Variants in OR8H2 observed in about 807,000 individuals in gnomAD.
OR8H2 encodes olfactory receptor 8H2.
For missense variants in OR8H2, 374 were observed against 371.1 expected (o/e 1.01, Z -0.06); for synonymous variants, 157 against 139.2 (o/e 1.13, Z -0.90).
rs1364453583 is a variant in OR8H2 at position 56,105,807 on chromosome 11, G to A, written c.765G>A (p.Leu255=). The change falls in exon 2 of 2, where the codon CTG becomes CTA. Residue 255 remains leucine (L), a synonymous_variant. Transcript: ENST00000313503. ...LLGVTIFYST[L]IFTYLKPRKS... is the part of the protein sequence containing the mutation. The stretch of plus-strand genomic sequence containing the variant: ...GAGTCACCATCTTTTATAGCACTCT[G>A]ATTTTTACTTATTTAAAACCAAGAA... The A allele has an allele frequency of 1.2e-6, 2 of 1,613,616 alleles. No individual in the cohort carries two copies. Among genetic ancestry groups the A allele is most frequent in the African/African-American group, 2.7e-5 (2 of 74,842 alleles).
chr11:56,105,182 T>G lies in OR8H2; in HGVS notation c.140T>G (p.Ile47Arg). 1 of 1,614,218 alleles carries G rather than the reference T, an allele frequency of 6.2e-7. No individual in the cohort carries two copies. ...LITMLGNVGM[I>R]LIIRLDLQLH... Reference sequence around the variant, plus strand: ...ACTATGCTGGGGAATGTGGGGATGATATTGATAATCCGCCTGGACCTCCAG... The same window carrying G: ...ACTATGCTGGGGAATGTGGGGATGAGATTGATAATCCGCCTGGACCTCCAG... The change falls in exon 2 of 2, where the codon ATA (isoleucine) becomes AGA (arginine). Residue 47 changes from isoleucine to arginine, a missense_variant. Transcript: ENST00000313503.
At position 56,105,840 on chromosome 11, in the gene OR8H2, T is replaced by C; in HGVS notation, c.798T>C (p.Tyr266=). ...CTTATTTAAAACCAAGAAAGTCTTA[T>C]TCCTTGGGAAGAGATCAAGTGGCTT... is the stretch of plus-strand genomic sequence containing the variant. ...IFTYLKPRKS[Y]SLGRDQVASV... The change falls in exon 2 of 2, where the codon TAT becomes TAC. Residue 266 remains tyrosine (Y), a synonymous_variant. Coordinates refer to ENST00000313503, the MANE Select transcript of OR8H2 (RefSeq NM_001386064.1). The C allele has an allele frequency of 6.2e-7, 1 of 1,613,558 alleles. No homozygotes were observed. The highest frequency in any genetic ancestry group is 2.2e-5 in the East Asian group (1 of 44,864).
At position 56,105,780 on chromosome 11, in the gene OR8H2, G is replaced by A. The variant is rs1854046903; in HGVS notation, c.738G>A (p.Leu246=). The A allele has an allele frequency of 6.2e-7, 1 of 1,613,658 alleles. No individual in the cohort carries two copies. Among genetic ancestry groups the A allele is most frequent in the Admixed American group, 1.7e-5 (1 of 59,970 alleles). The change falls in exon 2 of 2, where the codon TTG becomes TTA. Residue 246 remains leucine (L), a synonymous_variant. Coordinates refer to ENST00000313503, the MANE Select transcript of OR8H2 (RefSeq NM_001386064.1). ...KAFSTCVSHL[L]GVTIFYSTLI... is the part of the protein sequence containing the mutation. The stretch of plus-strand genomic sequence containing the variant: ...TCTCTACTTGCGTCTCTCATCTCTT[G>A]GGAGTCACCATCTTTTATAGCACTC...
Position 56,105,747 on chromosome 11 carries a change from GA to G in OR8H2, c.708del (p.Ala237LeufsTer19). On this transcript the variant is annotated frameshift_variant, in exon 2 of 2. Coordinates refer to ENST00000313503, the MANE Select transcript of OR8H2 (RefSeq NM_001386064.1). LOFTEE classifies it low-confidence loss of function (END_TRUNC). ...LKINSTSGKQ[K>X]AFSTCVSHLL... ...AAATTAATTCCACTTCAGGAAAGCA[GA>G]AAGCTTTCTCTACTTGCGTCTCTCA... 6.2e-7 allele frequency: 1 copy of G among 1,613,340 alleles called. No individual in the cohort carries two copies. Among genetic ancestry groups the G allele is most frequent in the Non-Finnish European group, 8.5e-7 (1 of 1,179,278 alleles).
Position 56,105,407 on chromosome 11 carries a change from G to T in OR8H2, c.365G>T (p.Arg122Leu), listed in dbSNP as rs758860820. Residue 122 changes from arginine (R) to leucine (L), a missense_variant, in exon 2 of 2, where the codon CGC becomes CTC. Transcript: ENST00000313503. ...CYLLSSMAHD[R>L]YAAICSPLHY... ...CTTCTCTCCTCAATGGCCCATGATCGCTATGCAGCGATCTGCAGTCCTCTA... is the reference window on the plus strand; with the variant it reads ...CTTCTCTCCTCAATGGCCCATGATCTCTATGCAGCGATCTGCAGTCCTCTA... 2 of 1,613,938 alleles carry T rather than the reference G, an allele frequency of 1.2e-6. No homozygotes were observed. The highest frequency in any genetic ancestry group is 1.7e-5 in the Admixed American group (1 of 59,980).
intron 1 of OR8H2, 30 bp from the exon 2 acceptor site, chr11:56,104,842 T>TTTTG (rs1854026679): frequency 9.1e-6 from 4 of 438,196 alleles, no homozygotes; most frequent in Non-Finnish European, 1.6e-5. Flanking sequence ...AGAAAGTTTT[T>TTTTG]TTTTGTTTGT....
Position 56,104,967 on chromosome 11 carries a change from T to G in OR8H2, c.-76T>G. Reference sequence around the variant, plus strand: ...GTTCAAGCAATTCTCCTGCCTCAGCTTCTCCAGTAGCTGGGATTACAGGCG... The same window carrying G: ...GTTCAAGCAATTCTCCTGCCTCAGCGTCTCCAGTAGCTGGGATTACAGGCG... On this transcript the variant is annotated 5_prime_UTR_variant, in exon 2 of 2. Transcript: ENST00000313503. 7.7e-7 allele frequency: 1 copy of G among 1,295,724 alleles called. No homozygotes were observed. The highest frequency in any genetic ancestry group is 1.5e-5 in the African/African-American group (1 of 67,592). The allele number at this position is 1,295,724 out of a possible 1,614,324, so 80.3% of individuals were successfully genotyped here. A position where few individuals can be genotyped will look rare whatever the true frequency, so the allele number is the denominator to read the frequency against.
At position 56,107,291 on chromosome 11, in the gene OR8H2, C is replaced by A. The variant is rs1176401900; in HGVS notation, c.*1310C>A. On this transcript the variant is annotated 3_prime_UTR_variant, in exon 2 of 2. Transcript: ENST00000313503. ...TAAAATCCTGTGTGTTTTTAAAAAT[C>A]ATTGCCTTTCTCCTGATTTCTACAG... 1 of 151,952 alleles carries A rather than the reference C, an allele frequency of 6.6e-6. No homozygotes were observed. The highest frequency in any genetic ancestry group is 1.5e-5 in the Non-Finnish European group (1 of 67,810). The allele number at this position is 151,952 out of a possible 1,614,324, so 9.4% of individuals were successfully genotyped here.
Position 56,106,340 on chromosome 11 carries a change from A to G in OR8H2, c.*359A>G, listed in dbSNP as rs1168566104. 1 of 159,982 alleles carries G rather than the reference A, an allele frequency of 6.3e-6. No individual in the cohort carries two copies. The highest frequency in any genetic ancestry group is 2.4e-5 in the African/African-American group (1 of 41,664). 9.9% of individuals were successfully genotyped at this position (159,982 alleles called of 1,614,324 possible). A position where few individuals can be genotyped will look rare whatever the true frequency, so the allele number is the denominator to read the frequency against. On this transcript the variant is annotated 3_prime_UTR_variant, in exon 2 of 2. Coordinates refer to ENST00000313503, the MANE Select transcript of OR8H2 (RefSeq NM_001386064.1). Reference sequence around the variant, plus strand: ...TATGGAAAGAACTATTTGGGACACAATGATAATAGTTTTAGATGTTATTCC... The same window carrying G: ...TATGGAAAGAACTATTTGGGACACAGTGATAATAGTTTTAGATGTTATTCC...
Position 56,106,878 on chromosome 11 carries a change from G to C in OR8H2, c.*897G>C, listed in dbSNP as rs1426122888. On this transcript the variant is annotated 3_prime_UTR_variant, in exon 2 of 2. Transcript: ENST00000313503. ...TGAGTTTTGGCTGCTCTTGATGTGG[G>C]GGTAGCCATTATTCTTTTCTTTACT... 1 of 151,784 alleles carries C rather than the reference G, an allele frequency of 6.6e-6. No homozygotes were observed. The highest frequency in any genetic ancestry group is 6.6e-5 in the Admixed American group (1 of 15,238). The allele number at this position is 151,784 out of a possible 1,614,324, so 9.4% of individuals were successfully genotyped here. A position where few individuals can be genotyped will look rare whatever the true frequency, so the allele number is the denominator to read the frequency against.
rs75692462 is a variant in OR8H2, at chr11:56,107,304, C to T, written c.*1323C>T. The stretch of plus-strand genomic sequence containing the variant: ...GTTTTTAAAAATCATTGCCTTTCTC[C>T]TGATTTCTACAGGTTTGTTTCAGTT... On this transcript the variant is annotated 3_prime_UTR_variant, in exon 2 of 2. Transcript: ENST00000313503. 7 of 151,996 alleles carry T rather than the reference C, an allele frequency of 4.6e-5. No homozygotes were observed. Among genetic ancestry groups the T allele is most frequent in the African/African-American group, 1.7e-4 (7 of 41,540 alleles). The allele number at this position is 151,996 out of a possible 1,614,324, so 9.4% of individuals were successfully genotyped here.
chr11:56,104,547 CT>C (rs1450487856), intron 1 of OR8H2, among the ~76,000 whole-genome samples: 1 of 152,178 alleles, frequency 6.6e-6, no homozygotes, highest in Admixed American at 6.5e-5. Flanking sequence ...CTTCCATACT[CT>C]TTTTTTCCTC....
chr11:56,106,997 T>A lies in OR8H2; in HGVS notation c.*1016T>A, dbSNP rs1854063347. The stretch of plus-strand genomic sequence containing the variant: ...ATAGTTTCAAATATGTGCATGTATA[T>A]AACACATATAAACAAAATTTGTATC... On this transcript the variant is annotated 3_prime_UTR_variant, in exon 2 of 2. Transcript: ENST00000313503. 1 of 152,088 alleles carries A rather than the reference T, an allele frequency of 6.6e-6. No individual in the cohort carries two copies. The allele number at this position is 152,088 out of a possible 1,614,324, so 9.4% of individuals were successfully genotyped here. A position where few individuals can be genotyped will look rare whatever the true frequency, so the allele number is the denominator to read the frequency against.
chr11:56,105,388 T>C lies in OR8H2; in HGVS notation c.346T>C (p.Ser116Pro). 7.4e-6 allele frequency: 12 copies of C among 1,614,208 alleles called. No homozygotes were observed. The highest frequency in any genetic ancestry group is 1.0e-5 in the Non-Finnish European group (12 of 1,180,038). Residue 116 changes from serine to proline, a missense_variant, in exon 2 of 2, where the codon TCC becomes CCC. By Grantham distance (74) the Ser-to-Pro change is moderately conservative. Transcript: ENST00000313503. ...FLGTAECYLL[S>P]SMAHDRYAAI... ...GGGTACTGCTGAATGTTACCTTCTC[T>C]CCTCAATGGCCCATGATCGCTATGC...
In OR8H2 at chr11:56,104,906, G is replaced by A. The variant is rs1854028240; in HGVS notation, c.-137G>A. 1 of 735,328 alleles carries A rather than the reference G, an allele frequency of 1.4e-6. No homozygotes were observed. The highest frequency in any genetic ancestry group is 2.3e-6 in the Non-Finnish European group (1 of 438,258). 45.6% of individuals were successfully genotyped at this position (735,328 alleles called of 1,614,324 possible). ...CAGTCGCCAGGGCTGGAATGCAATG[G>A]TGCGATCCCGGCTCACTGCAACCTC... On this transcript the variant is annotated 5_prime_UTR_variant, in exon 2 of 2. It adds an upstream start codon to the 5' untranslated region. Transcript: ENST00000313503.
Position 56,105,736 on chromosome 11 carries a change from T to C in OR8H2, c.694T>C (p.Ser232Pro). ...TACCATCCTGAAAATTAATTCCACT[T>C]CAGGAAAGCAGAAAGCTTTCTCTAC... ...LFTILKINST[S>P]GKQKAFSTCV... Residue 232 changes from serine to proline, a missense_variant, in exon 2 of 2, where the codon TCA becomes CCA. Transcript: ENST00000313503. 6.2e-7 allele frequency: 1 copy of C among 1,614,014 alleles called. No individual in the cohort carries two copies. Among genetic ancestry groups the C allele is most frequent in the Non-Finnish European group, 8.5e-7 (1 of 1,179,868 alleles).
In OR8H2 at chr11:56,105,617, C is replaced by T; in HGVS notation, c.575C>T (p.Thr192Ile). The change falls in exon 2 of 2, where the codon ACA becomes ATA. Residue 192 changes from threonine to isoleucine, a missense_variant. Physicochemically the swap from Thr to Ile is moderately conservative, Grantham distance 89. Transcript: ENST00000313503. ...SPILALSCTD[T>I]YNTEILIFII... ...ATTTTAGCTCTGTCCTGCACTGATACATACAACACCGAAATCCTGATATTC... is the reference window on the plus strand; with the variant it reads ...ATTTTAGCTCTGTCCTGCACTGATATATACAACACCGAAATCCTGATATTC... The T allele has an allele frequency of 6.2e-7, 1 of 1,614,124 alleles. No homozygotes were observed. Among genetic ancestry groups the T allele is most frequent in the Non-Finnish European group, 8.5e-7 (1 of 1,179,948 alleles).
Position 56,105,852 on chromosome 11 carries a change from A to G in OR8H2, c.810A>G (p.Arg270=). 4 of 1,612,792 alleles carry G rather than the reference A, an allele frequency of 2.5e-6. No individual in the cohort carries two copies. The highest frequency in any genetic ancestry group is 3.4e-6 in the Non-Finnish European group (4 of 1,178,804). ...CAAGAAAGTCTTATTCCTTGGGAAG[A>G]GATCAAGTGGCTTCTGTTTTTTATA... ...LKPRKSYSLG[R]DQVASVFYTI... The change falls in exon 2 of 2, where the codon AGA becomes AGG. Residue 270 remains arginine, a synonymous_variant. Coordinates refer to ENST00000313503, the MANE Select transcript of OR8H2 (RefSeq NM_001386064.1).
rs546281197 is a variant in OR8H2, at chr11:56,106,083, G to A, written c.*102G>A. 2.8e-4 allele frequency: 228 copies of A among 807,624 alleles called. 1 individual carries two copies. The African/African-American group carries it at 3.5e-3, about 12-fold the overall frequency. 50.0% of individuals were successfully genotyped at this position (807,624 alleles called of 1,614,324 possible). On this transcript the variant is annotated 3_prime_UTR_variant, in exon 2 of 2. Coordinates refer to ENST00000313503, the MANE Select transcript of OR8H2 (RefSeq NM_001386064.1). ...TAAAAACAATTGAATCTTTTAATTTGTTTGCATTTCTGTTGTGCTACCCTT... is the reference window on the plus strand; with the variant it reads ...TAAAAACAATTGAATCTTTTAATTTATTTGCATTTCTGTTGTGCTACCCTT...
Sources: gnomAD v4.1 joint callset for allele counts (sites outside exome capture counted in the v4.1 genomes callset) on GRCh38, gnomAD v4.1.1 for gene constraint, MANE v1.5 for transcripts, NCBI Gene and HGNC (gene_info 2026-07-23, HGNC 2026-07-21) for gene names.